EZH1: variants seen among roughly 807,000 people sequenced by gnomAD.
The protein encoded by EZH1 is enhancer of zeste 1 polycomb repressive complex 2 subunit, also known as histone-lysine N-methyltransferase EZH1.
In EZH1, 33 loss-of-function variants were observed where a neutral mutation model predicts 100.5. The observed-to-expected ratio is 0.33, with a 90% CI of 0.25 to 0.44. The LOEUF is 0.44. Among genes scored for constraint, EZH1 ranks in the 20% least tolerant of loss-of-function variants. EZH1 has a pLI of 1.00. For synonymous variants in EZH1, 272 were observed against 313.8 expected (o/e 0.87, Z 1.41); for missense variants, 475 against 928.4 (o/e 0.51, Z 6.35).
At chr17:42,737,664 T>C (rs1193902476) in intron 1 of EZH1, among the ~76,000 whole-genome samples, 1 of 152,098 alleles carries the variant, frequency 6.6e-6, no homozygotes, top group Non-Finnish European at 1.5e-5. Context: ...AAAAACAAAC[T>C]ATTCTAAAAA....
chr17:42,743,830 C>T (rs1298557584), intron 1 of EZH1, among the ~76,000 whole-genome samples: 1 of 152,102 alleles, frequency 6.6e-6, no homozygotes, highest in Non-Finnish European at 1.5e-5. Flanking sequence ...AGTGGCATAT[C>T]TGGGGATTCC....
At chr17:42,742,359 T>C (rs1264038107) in intron 1 of EZH1, among the ~76,000 whole-genome samples, 2 of 152,028 alleles carry the variant, frequency 1.3e-5, no homozygotes, top group Non-Finnish European at 2.9e-5. Flanking sequence ...GCCAGGCTGG[T>C]TTTGAACTCC....
At chr17:42,733,625 A>G (rs1345973683) in intron 1 of EZH1, among the ~76,000 whole-genome samples, 1 of 136,576 alleles carries the variant, frequency 7.3e-6, no homozygotes, top group East Asian at 2.2e-4. Flanking sequence ...TGGGCGACAG[A>G]GCGAGACTCC....
intron 1 of EZH1, 109 bp downstream of exon 1, chr17:42,744,902 G>C: frequency 8.6e-7 from 1 of 1,162,852 alleles, no homozygotes; most frequent in Non-Finnish European, 1.1e-6. Context: ...GTGTCCCTCG[G>C]ATTCCTTCCA....
intron 1 of EZH1, among the ~76,000 whole-genome samples, chr17:42,736,038 T>G (rs979635480): frequency 1.3e-5 from 2 of 151,368 alleles, no homozygotes; most frequent in African/African-American, 4.8e-5. Context: ...GATACAGGAA[T>G]GGCAAATGAG....
In EZH1 at chr17:42,727,676, G is replaced by C; in HGVS notation, c.205C>G (p.Gln69Glu). ...TGTCCACTCACAGGCTTCATTGACT[G>C]AACAGGTTGGACACGAAGCTTCTTC... ...EWKKLRVQPVQSMKPVSGHPF... is the reference protein window; with the variant it reads ...EWKKLRVQPVESMKPVSGHPF... The change falls in exon 4 of 21, where the codon CAG becomes GAG. Residue 69 changes from glutamine (Q) to glutamate (E), a missense_variant. Gln to Glu is a conservative substitution (Grantham distance 29). Around this residue, in one of 8 missense-constraint regions of EZH1, gnomAD observed 105 missense variants for 129.8 expected, o/e 0.81. Coordinates refer to ENST00000428826, the MANE Select transcript of EZH1 (RefSeq NM_001991.5). 6.2e-7 allele frequency: 1 copy of C among 1,612,358 alleles called. No individual in the cohort carries two copies. Among genetic ancestry groups the C allele is most frequent in the Non-Finnish European group, 8.5e-7 (1 of 1,179,402 alleles).
chr17:42,729,014 A>G (rs1289461148), intron 2 of EZH1, 62 bp from the exon 3 acceptor site: 3 of 1,410,658 alleles, frequency 2.1e-6, no homozygotes, highest in Non-Finnish European at 2.8e-6. Flanking sequence ...TTCCTCAAAT[A>G]CAAAAAAAAA....
intron 1 of EZH1, among the ~76,000 whole-genome samples, chr17:42,737,562 C>T (rs1297407099): frequency 7.2e-5 from 11 of 152,156 alleles, no homozygotes; most frequent in Admixed American, 5.9e-4. Flanking sequence ...GCTGTGACTG[C>T]GCCATTGCAC....
At position 42,724,290 on chromosome 17, in the gene EZH1, G is replaced by A. The variant is rs1567998059; in HGVS notation, c.366+15C>T. On this transcript the variant is annotated intron_variant, in intron 5 of 20. Transcript: ENST00000428826. ...ATACAGTTTAAATAACCACCACAGT[G>A]CTTTCAATACATACCATAAAGTTCT... The A allele has an allele frequency of 6.2e-7, 1 of 1,613,110 alleles. No individual in the cohort carries two copies. The highest frequency in any genetic ancestry group is 1.7e-4 in the Middle Eastern group (1 of 6,056).
In EZH1 at chr17:42,702,419, G is replaced by T; in HGVS notation, c.*113C>A. 1 of 871,360 alleles carries T rather than the reference G, an allele frequency of 1.1e-6. No individual in the cohort carries two copies. The highest frequency in any genetic ancestry group is 1.8e-6 in the Non-Finnish European group (1 of 558,342). 54.0% of individuals were successfully genotyped at this position (871,360 alleles called of 1,614,324 possible). On this transcript the variant is annotated 3_prime_UTR_variant, in exon 21 of 21. Transcript: ENST00000428826. ...GGCCTCACTACAGAGGGAGTGGGTT[G>T]GGGGGTTTCTCAGTGTGGGAGACAC...
rs2053641872 is a variant in EZH1 at position 42,718,188 on chromosome 17, G to A, written c.932-121C>T. On this transcript the variant is annotated intron_variant, in intron 9 of 20. Transcript: ENST00000428826. This position sits in a 1 kb window ranked among gnomAD's most constrained non-coding sequence, Gnocchi z 4.2. ...ATTCGATATAAACGGCTACCATCAG[G>A]GTGCACAAAATTCAGTCATTTCTGA... 1.0e-6 allele frequency: 1 copy of A among 952,440 alleles called. No individual in the cohort carries two copies. Among genetic ancestry groups the A allele is most frequent in the Admixed American group, 2.3e-5 (1 of 43,322 alleles). 59.0% of individuals were successfully genotyped at this position (952,440 alleles called of 1,614,324 possible). A position where few individuals can be genotyped will look rare whatever the true frequency, so the allele number is the denominator to read the frequency against.
In EZH1 at chr17:42,712,589, A is replaced by G. The variant is rs1047568386; in HGVS notation, c.1205-104T>C. 3 of 1,135,818 alleles carry G rather than the reference A, an allele frequency of 2.6e-6. 1 individual carries two copies. In the Admixed American group the frequency reaches 7.1e-5, roughly 27 times the overall value. The allele number at this position is 1,135,818 out of a possible 1,614,324, so 70.4% of individuals were successfully genotyped here. On this transcript the variant is annotated intron_variant, in intron 11 of 20. Coordinates refer to ENST00000428826, the MANE Select transcript of EZH1 (RefSeq NM_001991.5). ...ACTTCATTCTACTTTAAAAGGTAGA[A>G]CAGTTAGGAATGAAAATATTCCCTA...
At chr17:42,722,673 G>T in intron 6 of EZH1, 122 bp downstream of exon 6, 175 of 717,070 alleles carry the variant, frequency 2.4e-4, no homozygotes, top group Non-Finnish European at 3.3e-4. Context: ...TGATGACATT[G>T]AAATATTCTG....
Position 42,724,414 on chromosome 17 carries a change from T to C in EZH1, c.257A>G (p.Glu86Gly). Residue 86 changes from glutamate (E) to glycine (G), a missense_variant, in exon 5 of 21, where the codon GAG (glutamate) becomes GGG (glycine). This residue lies in a region of EZH1 where 105 missense variants were observed against 129.8 expected (regional missense o/e 0.81). Transcript: ENST00000428826. The stretch of plus-strand genomic sequence containing the variant: ...GCTTGCAAATCCCGGGAAAATGCTC[T>C]CTATGGTACACTGAAATATAAGCAA... ...GHPFLKKCTI[E>G]SIFPGFASQH... The C allele has an allele frequency of 6.2e-7, 1 of 1,613,900 alleles. No individual in the cohort carries two copies. Among genetic ancestry groups the C allele is most frequent in the Non-Finnish European group, 8.5e-7 (1 of 1,179,858 alleles).
chr17:42,737,900 G>C (rs546187313), intron 1 of EZH1, among the ~76,000 whole-genome samples: 33 of 152,186 alleles, frequency 2.2e-4, no homozygotes, highest in East Asian at 1.5e-3. Flanking sequence ...GGAACGGCTG[G>C]GTGCGGTGGC....
chr17:42,744,894 G>T, intron 1 of EZH1, 117 bp downstream of exon 1: 3 of 1,100,302 alleles, frequency 2.7e-6, no homozygotes, highest in Non-Finnish European at 2.3e-6. Context: ...CAGGCAGTGT[G>T]TCCCTCGGAT....
rs1204825968 is a variant in EZH1 at position 42,718,403 on chromosome 17, G to A, written c.931+51C>T. The A allele has an allele frequency of 2.5e-6, 4 of 1,600,570 alleles. No homozygotes were observed. The highest frequency in any genetic ancestry group is 2.6e-6 in the Non-Finnish European group (3 of 1,171,312). On this transcript the variant is annotated intron_variant, in intron 9 of 20. Coordinates refer to ENST00000428826, the MANE Select transcript of EZH1 (RefSeq NM_001991.5). This position sits in a 1 kb window ranked among gnomAD's most constrained non-coding sequence, Gnocchi z 4.2. ...ACCAGAACAAAGAGAAGGAAATGGT[G>A]GCTGGGGATGGAAGAGAGGAGAGCA...
In EZH1 at chr17:42,706,510, T is replaced by A. The variant is rs150081754; in HGVS notation, c.1661-325A>T. 4.0e-5 allele frequency among the ~76,000 whole-genome samples: 6 copies of A among 150,968 alleles called. No homozygotes were observed. The highest frequency in any genetic ancestry group is 1.5e-4 in the African/African-American group (6 of 40,978). On this transcript the variant is annotated intron_variant, in intron 15 of 20. Coordinates refer to ENST00000428826, the MANE Select transcript of EZH1 (RefSeq NM_001991.5). The surrounding 1 kb of genome is among the most constrained non-coding windows in gnomAD (Gnocchi z 4.4). ...AACCAGGCTGGGCAACATAGGGAGATCCTGTCTCCACAAAAAAATTAAAAA... is the reference window on the plus strand; with the variant it reads ...AACCAGGCTGGGCAACATAGGGAGAACCTGTCTCCACAAAAAAATTAAAAA...
intron 5 of EZH1, among the ~76,000 whole-genome samples, chr17:42,723,444 T>A (rs1355459222): frequency 6.6e-6 from 1 of 151,906 alleles, no homozygotes; most frequent in Non-Finnish European, 1.5e-5. Context: ...AAGATTATGA[T>A]CTGTAATTTA....
Sources: allele counts gnomAD v4.1 joint callset (sites outside exome capture counted in the v4.1 genomes callset), GRCh38; gene constraint gnomAD v4.1.1; regional missense constraint gnomAD v4.1.1; non-coding constraint Gnocchi (gnomAD v3.1); transcripts MANE v1.5; gene names NCBI Gene and HGNC (gene_info 2026-07-23, HGNC 2026-07-21).